S100Z: variants seen among roughly 807,000 people sequenced by gnomAD.
S100Z encodes protein S100-Z.
In S100Z, 11 loss-of-function variants were observed where a neutral mutation model predicts 8.5. That is an observed-to-expected ratio of 1.30 (90% CI 0.82 to 2.15). The LOEUF is 2.15. Ranked by LOEUF, S100Z falls within the 30% of genes most tolerant of loss-of-function variation. The pLI is 0.00. For synonymous variants in S100Z, 34 were observed against 43.8 expected (o/e 0.78, Z 0.89); for missense variants, 126 against 117.9 (o/e 1.07, Z -0.32).
the S100Z span, among the ~76,000 whole-genome samples, chr5:76,945,778 T>C: frequency 6.6e-6 from 1 of 152,224 alleles, no homozygotes; most frequent in Non-Finnish European, 1.5e-5. Flanking sequence ...CAATAAATAC[T>C]GAGGAAACCC....
At chr5:76,852,260 T>G (rs1234803769) in intron 1 of S100Z, among the ~76,000 whole-genome samples, 1 of 152,164 alleles carries the variant, frequency 6.6e-6, no homozygotes, top group Non-Finnish European at 1.5e-5. Flanking sequence ...GAACTCACCC[T>G]TCTATCAAAT....
Position 76,920,869 on chromosome 5 carries a change from TC to T in S100Z, c.*158del, listed in dbSNP as rs1745014070. ...CTTTGGAGAAAGCTGCTTGAGCCCT[TC>T]CCATGCTCATAAATTAGGTAAGGAG... On this transcript the variant is annotated 3_prime_UTR_variant, in exon 5 of 5. Coordinates refer to ENST00000317593, the MANE Select transcript of S100Z (RefSeq NM_130772.4). 1 of 152,316 alleles carries T rather than the reference TC, an allele frequency of 6.6e-6. No individual in the cohort carries two copies. The highest frequency in any genetic ancestry group is 2.1e-4 in the South Asian group (1 of 4,820). 9.4% of individuals were successfully genotyped at this position (152,316 alleles called of 1,614,324 possible).
chr5:76,903,998 G>C (rs1349177496), intron 4 of S100Z, among the ~76,000 whole-genome samples: 2 of 151,808 alleles, frequency 1.3e-5, no homozygotes, highest in Admixed American at 1.3e-4. Flanking sequence ...GCCTCCCAAA[G>C]TGCCAGGATT....
chr5:76,851,656 T>A (rs1453622356), intron 1 of S100Z, among the ~76,000 whole-genome samples: 1 of 152,038 alleles, frequency 6.6e-6, no homozygotes, highest in East Asian at 1.9e-4. Flanking sequence ...GATTGGAAAA[T>A]GCCAAAATCA....
intron 4 of S100Z, among the ~76,000 whole-genome samples, chr5:76,879,764 A>G (rs1743329567): frequency 1.3e-5 from 2 of 152,210 alleles, no homozygotes. Flanking sequence ...CCAGGGAGAA[A>G]GAAGGAAAAC....
intron 4 of S100Z, among the ~76,000 whole-genome samples, chr5:76,890,638 AC>A (rs1743826064): frequency 6.6e-6 from 1 of 151,994 alleles, no homozygotes; most frequent in Non-Finnish European, 1.5e-5. Flanking sequence ...ACAGAGTAAG[AC>A]CCGGTCTCAA....
At chr5:76,945,575 C>G in the S100Z span, among the ~76,000 whole-genome samples, 2 of 152,242 alleles carry the variant, frequency 1.3e-5, no homozygotes, top group East Asian at 3.8e-4. Context: ...CTCTGCAACT[C>G]TTTACTCCAC....
At chr5:76,887,678 A>G (rs1408768749) in intron 4 of S100Z, among the ~76,000 whole-genome samples, 1 of 152,120 alleles carries the variant, frequency 6.6e-6, no homozygotes, top group Non-Finnish European at 1.5e-5. Context: ...GATTACAGGC[A>G]CGAGCCACTG....
the S100Z span, among the ~76,000 whole-genome samples, chr5:76,931,042 G>A: frequency 3.9e-5 from 6 of 152,074 alleles, no homozygotes; most frequent in Non-Finnish European, 8.8e-5. Flanking sequence ...TATTCTTGCT[G>A]GCTTGTAGGT....
chr5:76,911,914 AG>A (rs1414662679), intron 4 of S100Z, among the ~76,000 whole-genome samples: 2 of 152,264 alleles, frequency 1.3e-5, no homozygotes, highest in East Asian at 3.9e-4. Flanking sequence ...CTGGATACAG[AG>A]GGATAGCCAG....
rs1745011779 is a variant in S100Z at position 76,920,782 on chromosome 5, C to G, written c.*68C>G. On this transcript the variant is annotated 3_prime_UTR_variant, in exon 5 of 5. Transcript: ENST00000317593. ...AGCAGCATCCTTGAAAATCATCGCTCTCAGGACGGGGTCTGCCTGGAATAG... is the reference window on the plus strand; with the variant it reads ...AGCAGCATCCTTGAAAATCATCGCTGTCAGGACGGGGTCTGCCTGGAATAG... The G allele has an allele frequency of 6.6e-6, 1 of 152,234 alleles. No homozygotes were observed. Among genetic ancestry groups the G allele is most frequent in the Admixed American group, 6.5e-5 (1 of 15,284 alleles). 9.4% of individuals were successfully genotyped at this position (152,234 alleles called of 1,614,324 possible).
At chr5:76,873,327 T>G (rs934409316) in intron 2 of S100Z, among the ~76,000 whole-genome samples, 1 of 78,268 alleles carries the variant, frequency 1.3e-5, no homozygotes, top group Admixed American at 1.2e-4. Flanking sequence ...TTTTTTTTTT[T>G]GAGACGGAGT....
downstream of S100Z, among the ~76,000 whole-genome samples, chr5:76,925,061 T>G (rs1745113571): frequency 6.6e-6 from 1 of 152,164 alleles, no homozygotes; most frequent in Non-Finnish European, 1.5e-5. Context: ...ACTTCCAAGC[T>G]TACTCATGTT....
the S100Z span, among the ~76,000 whole-genome samples, chr5:76,939,344 G>A: frequency 6.6e-6 from 1 of 151,022 alleles, no homozygotes; most frequent in African/African-American, 2.4e-5. Flanking sequence ...AGTAGAGATG[G>A]GGTTTCACTG....
At chr5:76,925,220 A>T (rs73764788), downstream of S100Z, among the ~76,000 whole-genome samples, 2,249 of 152,228 alleles carry the variant, frequency 0.015, 62 homozygotes, top group African/African-American at 0.051. Context: ...CTAATCTCAG[A>T]AGTGACATGC....
intron 4 of S100Z, among the ~76,000 whole-genome samples, chr5:76,910,928 C>T (rs998935030): frequency 6.6e-6 from 1 of 152,216 alleles, no homozygotes; most frequent in Non-Finnish European, 1.5e-5. Context: ...GCTCTTTTCA[C>T]ATGCCTTTCT....
chr5:76,862,071 G>T (rs2150625197), intron 1 of S100Z, among the ~76,000 whole-genome samples: 1 of 151,822 alleles, frequency 6.6e-6, no homozygotes, highest in East Asian at 1.9e-4. Context: ...TCTTCTTCTG[G>T]TGAAATAATT....
chr5:76,864,693 T>G (rs1751204376), intron 1 of S100Z, among the ~76,000 whole-genome samples: 1 of 144,742 alleles, frequency 6.9e-6, no homozygotes, highest in Non-Finnish European at 1.5e-5. Flanking sequence ...CGTGAGCCAC[T>G]GGCCTGGCCT....
chr5:76,890,718 G>T (rs1267725501), intron 4 of S100Z, among the ~76,000 whole-genome samples: 3 of 152,170 alleles, frequency 2.0e-5, no homozygotes, highest in African/African-American at 7.2e-5. Context: ...CATCCCTAGG[G>T]TGTGGGGTGT....
Sources: gnomAD v4.1 joint callset for allele counts (sites outside exome capture counted in the v4.1 genomes callset) on GRCh38, gnomAD v4.1.1 for gene constraint, MANE v1.5 for transcripts, NCBI Gene and HGNC (gene_info 2026-07-23, HGNC 2026-07-21) for gene names.